The following LMF1 variants were observed in gnomAD, a reference collection of about 807,000 sequenced individuals.
LMF1 encodes the protein lipase maturation factor 1.
A neutral mutation model predicts 60.6 loss-of-function variants in LMF1; 68 were observed. That is an observed-to-expected ratio of 1.12 (90% confidence interval 0.92 to 1.37). The LOEUF (loss-of-function observed/expected upper bound fraction) is 1.37. Among genes scored for constraint, LMF1 ranks in the 40% most tolerant of loss-of-function variants. The pLI is 0.00. For missense variants in LMF1, 948 were observed against 767.2 expected (o/e 1.24, Z -2.78); for synonymous variants, 418 against 324.7 (o/e 1.29, Z -3.09).
At chr16:944,521 C>T (rs532211844) in intron 2 of LMF1, among the ~76,000 whole-genome samples, 6 of 152,304 alleles carry the variant, frequency 3.9e-5, no homozygotes, top group Non-Finnish European at 7.3e-5. Flanking sequence ...GGCAGAAGGC[C>T]GGGGCCACCA....
chr16:968,857 G>T (rs893417980), intron 1 of LMF1: 2 of 152,180 alleles, frequency 1.3e-5, no homozygotes, highest in African/African-American at 4.8e-5. Flanking sequence ...GCTGTGCTCC[G>T]GAGGCAAGGC....
At chr16:869,653 C>A in intron 9 of LMF1, 1 of 656,914 alleles carries the variant, frequency 1.5e-6, no homozygotes, top group Admixed American at 2.1e-5. Context: ...GCATGAGACA[C>A]TACCTGGCAG....
At chr16:857,740 G>A (rs1466835530) in intron 10 of LMF1, among the ~76,000 whole-genome samples, 1 of 81,746 alleles carries the variant, frequency 1.2e-5, no homozygotes, top group Non-Finnish European at 2.1e-5. Context: ...GTGGTGTCTC[G>A]GGACGGGTGT....
intron 2 of LMF1, chr16:947,631 T>C (rs960902114): frequency 4.4e-6 from 2 of 455,838 alleles, no homozygotes; most frequent in South Asian, 3.1e-5. Context: ...TCCAAGTTTC[T>C]GGAGAGGATC....
chr16:978,974 C>T (rs2073256444), intron 1 of LMF1: 1 of 453,886 alleles, frequency 2.2e-6, no homozygotes, highest in Admixed American at 2.4e-5. Context: ...GATGCTTTCC[C>T]AGACCATCCT....
intron 4 of LMF1, among the ~76,000 whole-genome samples, chr16:895,144 G>A (rs979258704): frequency 1.1e-4 from 17 of 152,188 alleles, no homozygotes; most frequent in Admixed American, 9.2e-4. Flanking sequence ...GCCTCCAGAC[G>A]GCGGGGGGTG....
At chr16:925,028 C>G (rs747341116) in intron 3 of LMF1, among the ~76,000 whole-genome samples, 12 of 152,214 alleles carry the variant, frequency 7.9e-5, no homozygotes, top group Non-Finnish European at 1.2e-4. Flanking sequence ...GTCAGACCCC[C>G]GTCCGCAGAG....
chr16:970,750 T>A (rs1364135114), intron 1 of LMF1, 38 bp downstream of exon 1: 1 of 1,486,696 alleles, frequency 6.7e-7, no homozygotes. Flanking sequence ...TGCGCGGAGG[T>A]GACACTGGCG....
rs763338992 is a variant in LMF1, at chr16:953,867, C to T, written c.503+490G>A. 2.3e-4 allele frequency among the ~76,000 whole-genome samples: 7 copies of T among 30,240 alleles called. 1 individual carries two copies. The highest frequency in any genetic ancestry group is 2.0e-3 in the Admixed American group (5 of 2,472). 19.8% of individuals were successfully genotyped at this position (30,240 alleles called of 152,430 possible). A position where few individuals can be genotyped will look rare whatever the true frequency, so the allele number is the denominator to read the frequency against. Reference sequence around the variant, plus strand: ...CACCCCAAACCAGCCTCCTACACGTCCACACAGACACCCCAAACCAGCCTC... The same window carrying T: ...CACCCCAAACCAGCCTCCTACACGTTCACACAGACACCCCAAACCAGCCTC... On this transcript the variant is annotated intron_variant, in intron 2 of 10. Transcript: ENST00000262301.
chr16:910,905 A>C (rs1244054507), intron 4 of LMF1, 26 bp downstream of exon 4: 14 of 1,611,236 alleles, frequency 8.7e-6, no homozygotes, highest in Non-Finnish European at 1.1e-5. Context: ...TATTCCCCAA[A>C]CACCACGCAG....
rs1287560919 is a variant in LMF1 at position 897,698 on chromosome 16, G to A, written c.664-4626C>T. Among the ~76,000 whole-genome samples the A allele has an allele frequency of 1.3e-5, 2 of 152,180 alleles. No individual in the cohort carries two copies. The highest frequency in any genetic ancestry group is 2.4e-5 in the African/African-American group (1 of 41,442). On this transcript the variant is annotated intron_variant, in intron 4 of 10. Transcript: ENST00000262301. This position sits in a 1 kb window ranked among gnomAD's most constrained non-coding sequence, Gnocchi z 4.3. ...GGTGGAAACCGTGTCTCAGGGTGAAGGGACCGCTGGTGGGCTCCGTGGGCA... is the reference window on the plus strand; with the variant it reads ...GGTGGAAACCGTGTCTCAGGGTGAAAGGACCGCTGGTGGGCTCCGTGGGCA...
rs571589920 is a variant in LMF1, at chr16:871,556, G to A, written c.898-215C>T. 46 of 591,622 alleles carry A rather than the reference G, an allele frequency of 7.8e-5. 1 individual carries two copies. The South Asian group carries it at 9.3e-4, about 12-fold the overall frequency. The allele number at this position is 591,622 out of a possible 1,614,324, so 36.6% of individuals were successfully genotyped here. A position where few individuals can be genotyped will look rare whatever the true frequency, so the allele number is the denominator to read the frequency against. ...AGGTGCCTTCCGGCAGGTGCTTCCAGAACATTCCTCCCATGACTGCACATT... is the reference window on the plus strand; with the variant it reads ...AGGTGCCTTCCGGCAGGTGCTTCCAAAACATTCCTCCCATGACTGCACATT... On this transcript the variant is annotated intron_variant, in intron 6 of 10. Transcript: ENST00000262301.
At chr16:975,004 G>A (rs140778100), upstream of LMF1, among the ~76,000 whole-genome samples, 8 of 152,114 alleles carry the variant, frequency 5.3e-5, no homozygotes, top group Admixed American at 1.3e-4. Context: ...TGCTGTGACT[G>A]TCCAGCGGCC....
At chr16:926,369 T>C (rs954820369) in intron 3 of LMF1, among the ~76,000 whole-genome samples, 1 of 152,260 alleles carries the variant, frequency 6.6e-6, no homozygotes, top group African/African-American at 2.4e-5. Context: ...TGCTTGCATA[T>C]GATCTGCATT....
Position 934,013 on chromosome 16 carries a change from C to A in LMF1, c.514+231G>T. 2.7e-6 allele frequency: 4 copies of A among 1,490,512 alleles called. No individual in the cohort carries two copies. The South Asian group carries it at 3.6e-5, about 14-fold the overall frequency. 92.3% of individuals were successfully genotyped at this position (1,490,512 alleles called of 1,614,324 possible). ...CACCTGTGAGATGCCGACAATCATG[C>A]GTGCGACCATCCGTCTCTAGGTGCC... On this transcript the variant is annotated intron_variant, in intron 3 of 10. Coordinates refer to ENST00000262301, the MANE Select transcript of LMF1 (RefSeq NM_022773.4).
chr16:932,078 T>C (rs1002624219), intron 3 of LMF1, among the ~76,000 whole-genome samples: 1 of 152,150 alleles, frequency 6.6e-6, no homozygotes, highest in Non-Finnish European at 1.5e-5. Context: ...CAGCAAGTGG[T>C]TGGGGACGCG....
intron 2 of LMF1, among the ~76,000 whole-genome samples, chr16:943,370 C>CAAA (rs34995293): frequency 1.0e-5 from 1 of 97,062 alleles, no homozygotes; most frequent in African/African-American, 3.6e-5. Flanking sequence ...GACTCCATCT[C>CAAA]AAAAAAAAAA....
intron 2 of LMF1, among the ~76,000 whole-genome samples, chr16:936,378 T>C (rs1391634300): frequency 9.9e-6 from 1 of 101,468 alleles, no homozygotes; most frequent in Non-Finnish European, 2.0e-5. Flanking sequence ...AGAGAGGGGG[T>C]ACCCCGTGGG....
intron 10 of LMF1, among the ~76,000 whole-genome samples, chr16:859,866 G>A (rs374902578): frequency 3.5e-4 from 44 of 124,018 alleles, no homozygotes; most frequent in African/African-American, 1.5e-3. Context: ...GTGTGCAGTG[G>A]TGTCTCGGGA....
Sources: gnomAD v4.1 joint callset for allele counts (sites outside exome capture counted in the v4.1 genomes callset) on GRCh38, gnomAD v4.1.1 for gene constraint, Gnocchi (gnomAD v3.1) non-coding constraint, MANE v1.5 for transcripts, NCBI Gene and HGNC (gene_info 2026-07-23, HGNC 2026-07-21) for gene names.